The following PRKN variants were observed in gnomAD, a reference collection of about 807,000 sequenced individuals.
PRKN encodes parkin RBR E3 ubiquitin protein ligase, also known as E3 ubiquitin-protein ligase parkin.
In PRKN, 56 loss-of-function variants were observed where a neutral mutation model predicts 59.5. That is an observed-to-expected ratio of 0.94 (90% CI 0.76 to 1.18). The LOEUF is 1.18. PRKN is among the 50% of genes most tolerant of loss of function. PRKN has a pLI of 0.00. For missense variants in PRKN, 657 were observed against 596.4 expected (o/e 1.10, Z -1.06); for synonymous variants, 250 against 222.1 (o/e 1.13, Z -1.12).
chr6:162,090,045 T>C (rs1201755104), intron 4 of PRKN, among the ~76,000 whole-genome samples: 1 of 152,100 alleles, frequency 6.6e-6, no homozygotes, highest in Non-Finnish European at 1.5e-5. Context: ...GTTAGGAAAA[T>C]TAAGTCAATC....
At chr6:161,585,058 A>G (rs141919295) in intron 7 of PRKN, among the ~76,000 whole-genome samples, 25 of 152,332 alleles carry the variant, frequency 1.6e-4, no homozygotes, top group African/African-American at 5.5e-4. Flanking sequence ...TTTCTTCCCA[A>G]CATTTAGATT....
rs756244498 is a variant in PRKN at position 161,360,214 on chromosome 6, A to G, written c.1168-9T>C. 51 of 1,600,358 alleles carry G rather than the reference A, an allele frequency of 3.2e-5. No homozygotes were observed. The highest frequency in any genetic ancestry group is 4.1e-5 in the Non-Finnish European group (48 of 1,167,412). ...TCATCGACTCTGTAGGCCTGGGGAA[A>G]CAAAGAGGAAAGGCGTTTAATCTCA... On this transcript the variant is annotated splice_polypyrimidine_tract_variant and intron_variant, in intron 10 of 11. Coordinates refer to ENST00000366898, the MANE Select transcript of PRKN (RefSeq NM_004562.3). The surrounding 1 kb of genome is among the most constrained non-coding windows in gnomAD (Gnocchi z 5.1).
At position 161,360,306 on chromosome 6, in the gene PRKN, G is replaced by T; in HGVS notation, c.1168-101C>A. ...CGGTACAGGAAATTCTTGAAGACAG[G>T]AGTGCCTTCGGGCAAGAAGCCTAAA... On this transcript the variant is annotated intron_variant, in intron 10 of 11. Transcript: ENST00000366898. The surrounding 1 kb of genome is among the most constrained non-coding windows in gnomAD (Gnocchi z 5.1). The T allele has an allele frequency of 1.0e-6, 1 of 954,728 alleles. No homozygotes were observed. The highest frequency in any genetic ancestry group is 2.4e-5 in the East Asian group (1 of 41,852). The allele number at this position is 954,728 out of a possible 1,614,324, so 59.1% of individuals were successfully genotyped here.
intron 7 of PRKN, among the ~76,000 whole-genome samples, chr6:161,655,679 G>A (rs567817402): frequency 6.6e-6 from 1 of 152,318 alleles, no homozygotes; most frequent in Non-Finnish European, 1.5e-5. Context: ...AAGAGTCTAG[G>A]TTTTAAACCA....
chr6:161,864,180 A>C (rs1322204261), intron 6 of PRKN, among the ~76,000 whole-genome samples: 1 of 152,116 alleles, frequency 6.6e-6, no homozygotes, highest in Non-Finnish European at 1.5e-5. Flanking sequence ...ATTTGATTAT[A>C]TTTTACTCAC....
chr6:161,679,864 C>T (rs1372996676), intron 7 of PRKN, among the ~76,000 whole-genome samples: 3 of 147,580 alleles, frequency 2.0e-5, no homozygotes, highest in African/African-American at 7.5e-5. Context: ...ACACCATTCT[C>T]CTGCCTCAGC....
chr6:161,716,128 G>T, intron 7 of PRKN: 2 of 1,343,670 alleles, frequency 1.5e-6, no homozygotes, highest in Non-Finnish European at 2.0e-6. Flanking sequence ...TGTGTCTCCA[G>T]TTCCTGGTCA....
intron 3 of PRKN, among the ~76,000 whole-genome samples, chr6:162,243,604 C>G (rs544551331): frequency 1.5e-3 from 231 of 152,174 alleles, no homozygotes; most frequent in Middle Eastern, 6.8e-3. Flanking sequence ...TTTAAATTAG[C>G]TACTATCTTC....
At chr6:161,899,377 A>G (rs1438300965) in intron 6 of PRKN, among the ~76,000 whole-genome samples, 2 of 152,134 alleles carry the variant, frequency 1.3e-5, no homozygotes, top group Non-Finnish European at 2.9e-5. Flanking sequence ...CCTTATTAAA[A>G]CTGTTGCTGA....
chr6:161,623,563 A>G (rs1782984249), intron 7 of PRKN, among the ~76,000 whole-genome samples: 1 of 152,314 alleles, frequency 6.6e-6, no homozygotes, highest in East Asian at 1.9e-4. Context: ...TATCCAAATC[A>G]AGCATTTGTT....
chr6:162,081,607 T>G lies in PRKN; in HGVS notation c.535-27433A>C, dbSNP rs115973433. On this transcript the variant is annotated intron_variant, in intron 4 of 11. Transcript: ENST00000366898. ...TGTCATCTAGGCTTTGTTGTTCCAT[T>G]TATAGAGCACAGGCACAGTAAACTT... Among the ~76,000 whole-genome samples the G allele has an allele frequency of 5.2e-3, 792 of 152,226 alleles. 19 individuals are homozygous for G. Among genetic ancestry groups the G allele is most frequent in the African/African-American group, 0.018 (733 of 41,486 alleles).
intron 1 of PRKN, among the ~76,000 whole-genome samples, chr6:162,537,308 C>T (rs1778758118): frequency 6.6e-6 from 1 of 152,232 alleles, no homozygotes; most frequent in Admixed American, 6.5e-5. Flanking sequence ...ACTCTGCCAT[C>T]TCACTAGCAC....
intron 2 of PRKN, among the ~76,000 whole-genome samples, chr6:162,323,714 C>A (rs1039874595): frequency 1.3e-4 from 19 of 151,972 alleles, no homozygotes; most frequent in Non-Finnish European, 2.5e-4. Flanking sequence ...CTACTACAAA[C>A]CTATCAGAAT....
Position 161,349,991 on chromosome 6 carries a change from TGC to T in PRKN, c.*106_*107del, listed in dbSNP as rs544293869. On this transcript the variant is annotated 3_prime_UTR_variant, in exon 12 of 12. Coordinates refer to ENST00000366898, the MANE Select transcript of PRKN (RefSeq NM_004562.3). This position sits in a 1 kb window ranked among gnomAD's most constrained non-coding sequence, Gnocchi z 5.5. ...TTGAAAAAAACTTGAAGAGTGTGTG[TGC>T]GCGCGCGCGCGTGTGTGTGTGTGTT... 1.5e-4 allele frequency: 113 copies of T among 774,800 alleles called. 1 individual carries two copies. Among genetic ancestry groups the T allele is most frequent in the Non-Finnish European group, 1.9e-4 (84 of 450,580 alleles). The allele number at this position is 774,800 out of a possible 1,614,324, so 48.0% of individuals were successfully genotyped here.
rs150556747 is a variant in PRKN at position 162,689,428 on chromosome 6, G to A, written c.7+38234C>T. ...TCTATTGCCTGTTAGGCTAAATTCA[G>A]CCATCTTTAGAATTATATCAGTTGT... is the stretch of plus-strand genomic sequence containing the variant. On this transcript the variant is annotated intron_variant, in intron 1 of 11. Coordinates refer to ENST00000366898, the MANE Select transcript of PRKN (RefSeq NM_004562.3). Among the ~76,000 whole-genome samples, 699 of 152,104 alleles carry A rather than the reference G, an allele frequency of 4.6e-3. 8 individuals are homozygous for A. In the Middle Eastern group the frequency reaches 0.051, roughly 11 times the overall value.
intron 2 of PRKN, among the ~76,000 whole-genome samples, chr6:162,288,800 C>A (rs140412855): frequency 6.6e-6 from 1 of 152,180 alleles, no homozygotes; most frequent in African/African-American, 2.4e-5. Context: ...TCCAAGGATT[C>A]TTGCCATTTG....
intron 7 of PRKN, among the ~76,000 whole-genome samples, chr6:161,666,321 G>A (rs934892919): frequency 2.0e-5 from 3 of 152,148 alleles, no homozygotes; most frequent in African/African-American, 4.8e-5. Flanking sequence ...TCTCATAGGA[G>A]CATGAACCTT....
rs762390368 is a variant in PRKN at position 161,470,560 on chromosome 6, C to G, written c.1083+78294G>C. On this transcript the variant is annotated intron_variant, in intron 9 of 11. Transcript: ENST00000366898. The surrounding 1 kb of genome is among the most constrained non-coding windows in gnomAD (Gnocchi z 5.1). ...ATGTCTTAGAGGGTTCTGCCCTGGC[C>G]CTCCTCTGGCCACACCCCTCTTCCT... 6.6e-6 allele frequency among the ~76,000 whole-genome samples: 1 copy of G among 152,190 alleles called. No individual in the cohort carries two copies. The highest frequency in any genetic ancestry group is 1.5e-5 in the Non-Finnish European group (1 of 68,040).
intron 7 of PRKN, among the ~76,000 whole-genome samples, chr6:161,688,951 T>C (rs966142644): frequency 2.0e-5 from 3 of 152,210 alleles, no homozygotes; most frequent in African/African-American, 7.2e-5. Flanking sequence ...GAGGTTAGTC[T>C]GCAGAGCTGA....
Sources: allele counts gnomAD v4.1 joint callset (sites outside exome capture counted in the v4.1 genomes callset), GRCh38; gene constraint gnomAD v4.1.1; non-coding constraint Gnocchi (gnomAD v3.1); transcripts MANE v1.5; gene names NCBI Gene and HGNC (gene_info 2026-07-23, HGNC 2026-07-21).